TRAM1: variants seen among roughly 807,000 people sequenced by gnomAD.
TRAM1 encodes the protein translocating chain-associated membrane protein 1.
In TRAM1, 17 loss-of-function variants were observed where a neutral mutation model predicts 48.7. The ratio of observed to expected loss-of-function variants is 0.35; its 90% CI spans 0.24 to 0.52. The LOEUF is 0.52. Among genes scored for constraint, TRAM1 ranks in the 20% least tolerant of loss-of-function variants. TRAM1 has a pLI of 0.94. For missense variants in TRAM1, 351 were observed against 441.5 expected (o/e 0.79, Z 1.84); for synonymous variants, 182 against 154.0 (o/e 1.18, Z -1.34).
Position 70,596,270 on chromosome 8 carries a change from G to T in TRAM1, c.478C>A (p.Leu160Met). The stretch of plus-strand genomic sequence containing the variant: ...CTGCTAAAAATGACTTACGTCATCA[G>T]GTTATGGGGATAAGCCCTCCATAAG... The part of the protein sequence containing the change: ...TILWRAYPHN[L>M]MTFQMKFFYI... The change falls in exon 5 of 11, where the codon CTG (leucine) becomes ATG (methionine). Residue 160 changes from leucine to methionine, a missense_variant. Physicochemically the swap from Leu to Met is conservative, Grantham distance 15. Transcript: ENST00000262213. 1.3e-6 allele frequency: 2 copies of T among 1,592,858 alleles called. No homozygotes were observed. Among genetic ancestry groups the T allele is most frequent in the Non-Finnish European group, 1.7e-6 (2 of 1,172,220 alleles).
At position 70,577,041 on chromosome 8, in the gene TRAM1, C is replaced by T. The variant is rs527970890; in HGVS notation, c.1052-2036G>A. Among the ~76,000 whole-genome samples the T allele has an allele frequency of 3.9e-5, 6 of 152,308 alleles. No individual in the cohort carries two copies. The East Asian group carries it at 9.6e-4, about 24-fold the overall frequency. On this transcript the variant is annotated intron_variant, in intron 10 of 10. Transcript: ENST00000262213. Reference sequence around the variant, plus strand: ...CTCTTTCTTGTCATCCACAACGTGGCGAGCAGGGGGACATATTTCAGCCTT... The same window carrying T: ...CTCTTTCTTGTCATCCACAACGTGGTGAGCAGGGGGACATATTTCAGCCTT...
intron 6 of TRAM1, among the ~76,000 whole-genome samples, chr8:70,589,597 G>A (rs1817304539): frequency 2.0e-5 from 3 of 152,112 alleles, no homozygotes; most frequent in Non-Finnish European, 4.4e-5. Flanking sequence ...CAGCCCTTTG[G>A]GAGGCTGATG....
intron 6 of TRAM1, among the ~76,000 whole-genome samples, chr8:70,592,210 A>G (rs1022233908): frequency 6.6e-6 from 1 of 152,194 alleles, no homozygotes; most frequent in Non-Finnish European, 1.5e-5. Context: ...AACTGTTTAT[A>G]TACACAGTAT....
In TRAM1 at chr8:70,596,263, G is replaced by T. The variant is rs1817484276; in HGVS notation, c.485C>A (p.Thr162Lys). Residue 162 changes from threonine (T) to lysine (K), a missense_variant and splice_region_variant, in exon 5 of 11, where the codon ACA becomes AAA. By Grantham distance (78) the Thr-to-Lys change is moderately conservative. Transcript: ENST00000262213. The stretch of plus-strand genomic sequence containing the variant: ...GAAAGGGCTGCTAAAAATGACTTAC[G>T]TCATCAGGTTATGGGGATAAGCCCT... The part of the protein sequence containing the change: ...LWRAYPHNLM[T>K]FQMKFFYISQ... 6.4e-7 allele frequency: 1 copy of T among 1,572,180 alleles called. No individual in the cohort carries two copies. The highest frequency in any genetic ancestry group is 8.6e-7 in the Non-Finnish European group (1 of 1,164,692).
chr8:70,606,827 A>C (rs949676486), intron 1 of TRAM1: 1 of 913,764 alleles, frequency 1.1e-6, no homozygotes, highest in Non-Finnish European at 1.3e-6. Flanking sequence ...TTTAATTTTA[A>C]AATTAAAAAA....
In TRAM1 at chr8:70,608,316, C is replaced by T. The variant is rs1324654033; in HGVS notation, c.-117G>A. On this transcript the variant is annotated 5_prime_UTR_variant, in exon 1 of 11. Coordinates refer to ENST00000262213, the MANE Select transcript of TRAM1 (RefSeq NM_014294.6). ...TCCTCACGGCCCCGCTGCAGCCGCTCGCTGGGGCTTCACTTCCCATCCCAC... is the reference window on the plus strand; with the variant it reads ...TCCTCACGGCCCCGCTGCAGCCGCTTGCTGGGGCTTCACTTCCCATCCCAC... The T allele has an allele frequency of 4.7e-4, 641 of 1,355,306 alleles. No individual in the cohort carries two copies. Among genetic ancestry groups the T allele is most frequent in the Non-Finnish European group, 5.6e-4 (578 of 1,033,682 alleles). 84.0% of individuals were successfully genotyped at this position (1,355,306 alleles called of 1,614,324 possible). A position where few individuals can be genotyped will look rare whatever the true frequency, so the allele number is the denominator to read the frequency against.
In TRAM1 at chr8:70,597,877, C is replaced by T; in HGVS notation, c.426+18G>A. ...TTAGATAAGGAAGGAGAACAACAACCTAAGAGGACATACTTACAGAGATGA... is the reference window on the plus strand; with the variant it reads ...TTAGATAAGGAAGGAGAACAACAACTTAAGAGGACATACTTACAGAGATGA... On this transcript the variant is annotated intron_variant, in intron 4 of 10. Transcript: ENST00000262213. 1.2e-5 allele frequency: 18 copies of T among 1,552,904 alleles called. No homozygotes were observed. The highest frequency in any genetic ancestry group is 1.6e-5 in the Non-Finnish European group (18 of 1,140,792).
In TRAM1 at chr8:70,583,732, G is replaced by A. The variant is rs754069180; in HGVS notation, c.808C>T (p.Leu270=). ...CTTGCAAGGCCAAAACCAACAGTCAGTACTGAAAGAATTAAAGTCAGAAGT... is the reference window on the plus strand; with the variant it reads ...CTTGCAAGGCCAAAACCAACAGTCAATACTGAAAGAATTAAAGTCAGAAGT... ...GRLLTLILSV[L]TVGFGLARAE... The change falls in exon 9 of 11, where the codon CTG becomes TTG. Residue 270 remains leucine (L), a synonymous_variant. Transcript: ENST00000262213. 3.7e-6 allele frequency: 6 copies of A among 1,607,738 alleles called. No homozygotes were observed. The East Asian group carries it at 9.0e-5, about 24-fold the overall frequency.
intron 2 of TRAM1, among the ~76,000 whole-genome samples, chr8:70,599,532 T>C (rs1252563937): frequency 6.6e-6 from 1 of 152,226 alleles, no homozygotes; most frequent in African/African-American, 2.4e-5. Flanking sequence ...AGATAATTCC[T>C]AGAGCTTACT....
At chr8:70,599,602 A>C (rs886339849) in intron 2 of TRAM1, among the ~76,000 whole-genome samples, 2 of 152,254 alleles carry the variant, frequency 1.3e-5, no homozygotes, top group African/African-American at 4.8e-5. Context: ...AAGTGAAAAT[A>C]ATCTTAGAAG....
chr8:70,584,509 G>C (rs1401337064), intron 8 of TRAM1, among the ~76,000 whole-genome samples: 2 of 152,190 alleles, frequency 1.3e-5, no homozygotes, highest in African/African-American at 4.8e-5. Context: ...GTTTGCCGAT[G>C]ACATGATTGT....
chr8:70,608,373 GAA>G lies in TRAM1; in HGVS notation c.-176_-175del. ...TACGCAGCCGCCGGGCCGCCCGGGG[GAA>G]AAAAAAAAACACAACAGCTAGCCCG... On this transcript the variant is annotated 5_prime_UTR_variant, in exon 1 of 11. Coordinates refer to ENST00000262213, the MANE Select transcript of TRAM1 (RefSeq NM_014294.6). 7 of 374,174 alleles carry G rather than the reference GAA, an allele frequency of 1.9e-5. No homozygotes were observed. The highest frequency in any genetic ancestry group is 5.2e-5 in the Admixed American group (1 of 19,110). 23.2% of individuals were successfully genotyped at this position (374,174 alleles called of 1,614,324 possible). A position where few individuals can be genotyped will look rare whatever the true frequency, so the allele number is the denominator to read the frequency against.
At chr8:70,593,580 T>C (rs1817414927) in intron 6 of TRAM1, among the ~76,000 whole-genome samples, 1 of 147,232 alleles carries the variant, frequency 6.8e-6, no homozygotes, top group African/African-American at 2.5e-5. Flanking sequence ...CCACATAGGA[T>C]TTCATATATG....
Position 70,596,397 on chromosome 8 carries a change from C to T in TRAM1, c.427-76G>A, listed in dbSNP as rs533123650. The T allele has an allele frequency of 6.2e-6, 7 of 1,134,710 alleles. No homozygotes were observed. In the South Asian group the frequency reaches 7.6e-5, roughly 12 times the overall value. The allele number at this position is 1,134,710 out of a possible 1,614,324, so 70.3% of individuals were successfully genotyped here. ...GGAAAATAAGGCATTACTTTCATTT[C>T]TCAAACATTTACAGGTCCCATACCA... On this transcript the variant is annotated intron_variant, in intron 4 of 10. Coordinates refer to ENST00000262213, the MANE Select transcript of TRAM1 (RefSeq NM_014294.6).
chr8:70,606,794 G>A (rs921905010), intron 1 of TRAM1: 8 of 721,628 alleles, frequency 1.1e-5, no homozygotes, highest in East Asian at 1.3e-4. Flanking sequence ...TTGATGAGAG[G>A]CGAAAATAAG....
In TRAM1 at chr8:70,574,162, A is replaced by G; in HGVS notation, c.*770T>C. 5.3e-6 allele frequency: 2 copies of G among 380,418 alleles called. No individual in the cohort carries two copies. The highest frequency in any genetic ancestry group is 4.0e-5 in the South Asian group (2 of 50,004). The allele number at this position is 380,418 out of a possible 1,614,324, so 23.6% of individuals were successfully genotyped here. A position where few individuals can be genotyped will look rare whatever the true frequency, so the allele number is the denominator to read the frequency against. Reference sequence around the variant, plus strand: ...TGAGCCCCATTAAGAATCATTATTAATAAACATATCAAAAAGGGCTATATG... The same window carrying G: ...TGAGCCCCATTAAGAATCATTATTAGTAAACATATCAAAAAGGGCTATATG... On this transcript the variant is annotated 3_prime_UTR_variant, in exon 11 of 11. Transcript: ENST00000262213.
intron 1 of TRAM1, chr8:70,607,576 T>C: frequency 6.3e-6 from 5 of 793,426 alleles, no homozygotes; most frequent in Non-Finnish European, 7.6e-6. Flanking sequence ...GCCTGTGGTC[T>C]CCAGGCCGGC....
At chr8:70,585,016 C>T (rs1817179463) in intron 8 of TRAM1, among the ~76,000 whole-genome samples, 1 of 152,194 alleles carries the variant, frequency 6.6e-6, no homozygotes, top group Non-Finnish European at 1.5e-5. Flanking sequence ...ATCATGCTAC[C>T]TGACTTCAAA....
chr8:70,581,555 G>A (rs1271552811), intron 10 of TRAM1, among the ~76,000 whole-genome samples: 1 of 152,186 alleles, frequency 6.6e-6, no homozygotes, highest in African/African-American at 2.4e-5. Context: ...CAGTTTGGCA[G>A]TTCCCTCAAA....
Sources: allele counts gnomAD v4.1 joint callset (sites outside exome capture counted in the v4.1 genomes callset), GRCh38; gene constraint gnomAD v4.1.1; transcripts MANE v1.5; gene names NCBI Gene and HGNC (gene_info 2026-07-23, HGNC 2026-07-21).